SFTPB: variants seen among roughly 807,000 people sequenced by gnomAD.
The protein encoded by SFTPB is pulmonary surfactant-associated protein B.
SFTPB carries 32 observed loss-of-function variants against 51.0 expected under a neutral mutation model. The observed-to-expected ratio is 0.63, with a 90% CI of 0.47 to 0.84. SFTPB has a LOEUF of 0.84. Ranked by LOEUF, SFTPB falls within the 40% of genes least tolerant of loss-of-function variation. The pLI is 0.00. For synonymous variants in SFTPB, 211 were observed against 208.5 expected, an observed-to-expected ratio of 1.01 and a Z score of -0.10; for missense variants, 431 against 491.2, an observed-to-expected ratio of 0.88 and a Z score of 1.16.
At chr2:85,663,938 A>C (rs1677448030) in intron 6 of SFTPB, 91 bp from the exon 7 acceptor site, 2 of 1,198,370 alleles carry the variant, frequency 1.7e-6, no homozygotes, top group Non-Finnish European at 2.3e-6. Flanking sequence ...CTTCCTACGC[A>C]TTCCCTCATT....
chr2:85,667,837 A>C, intron 1 of SFTPB, 31 bp from the exon 2 acceptor site: 7 of 1,614,172 alleles, frequency 4.3e-6, no homozygotes, highest in Non-Finnish European at 5.1e-6. Flanking sequence ...AACCTTAATC[A>C]GGATCCAGGC....
chr2:85,666,189 T>TGTGTGTCC (rs1553380978), intron 4 of SFTPB, among the ~76,000 whole-genome samples: 1 of 145,224 alleles, frequency 6.9e-6, no homozygotes, highest in African/African-American at 2.7e-5. Flanking sequence ...TGTGTGTGTG[T>TGTGTGTCC]GGCCAGCTGG....
At chr2:85,665,042 C>T (rs556811625) in intron 6 of SFTPB, among the ~76,000 whole-genome samples, 1 of 152,286 alleles carries the variant, frequency 6.6e-6, no homozygotes, top group Non-Finnish European at 1.5e-5. Context: ...TGGCTCCTGG[C>T]GTGGCACCTC....
intron 2 of SFTPB, 81 bp from the exon 3 acceptor site, chr2:85,667,258 G>A (rs993315373): frequency 9.8e-7 from 1 of 1,023,342 alleles, no homozygotes; most frequent in Non-Finnish European, 1.6e-6. Flanking sequence ...CTCTTAGGAA[G>A]AGGCCAACAG....
At position 85,667,773 on chromosome 2, in the gene SFTPB, T is replaced by A; in HGVS notation, c.101A>T (p.Gln34Leu). Residue 34 changes from glutamine to leucine, a missense_variant, in exon 2 of 11, where the codon CAG (glutamine) becomes CTG (leucine). Transcript: ENST00000519937. ...GCTTTGGCACCAGAACTCAGGGCCC[T>A]GGGCACAGGCCAAGGATGAGGTGGT... ...AWTTSSLACA[Q>L]GPEFWCQSLE... is the part of the protein sequence containing the mutation. The A allele has an allele frequency of 6.2e-7, 1 of 1,614,254 alleles. No homozygotes were observed. The highest frequency in any genetic ancestry group is 8.5e-7 in the Non-Finnish European group (1 of 1,180,044).
chr2:85,661,901 C>G, intron 9 of SFTPB, 128 bp downstream of exon 9: 1 of 816,384 alleles, frequency 1.2e-6, no homozygotes, highest in Non-Finnish European at 2.0e-6. Flanking sequence ...GCCTCCCAGT[C>G]CCTGGCCCGT....
Position 85,663,722 on chromosome 2 carries a change from C to A in SFTPB, c.798G>T (p.Leu266=), listed in dbSNP as rs771604538. 8 of 1,611,988 alleles carry A rather than the reference C, an allele frequency of 5.0e-6. No homozygotes were observed. The East Asian group carries it at 1.8e-4, about 36-fold the overall frequency. ...ILLDTLLGRM[L]PQLVCRLVLR... is the part of the protein sequence containing the mutation. ...GGACGAGGCGGCAGACCAGCTGGGGCAGCATGCGGCCCAGCAGCGTGTCGA... is the reference window on the plus strand; with the variant it reads ...GGACGAGGCGGCAGACCAGCTGGGGAAGCATGCGGCCCAGCAGCGTGTCGA... The change falls in exon 7 of 11, where the codon CTG becomes CTT. Residue 266 remains leucine, a synonymous_variant. Transcript: ENST00000519937.
chr2:85,662,009 A>C lies in SFTPB; in HGVS notation c.1083+20T>G, dbSNP rs35982709. The C allele has an allele frequency of 2.5e-6, 4 of 1,585,908 alleles. No individual in the cohort carries two copies. The Admixed American group carries it at 5.6e-5, about 22-fold the overall frequency. On this transcript the variant is annotated intron_variant, in intron 9 of 10. Coordinates refer to ENST00000519937, the MANE Select transcript of SFTPB (RefSeq NM_000542.5). ...GGAGCCAAGGGAAGTCCTAGGACCA[A>C]CTGGGAGGGGTGGGTGTACCTGGCA...
At chr2:85,666,517 G>GTT (rs1382428782) in intron 4 of SFTPB, 100 bp downstream of exon 4, 2 of 1,182,196 alleles carry the variant, frequency 1.7e-6, no homozygotes, top group South Asian at 1.3e-5. Context: ...GTGTGTGTGT[G>GTT]TGTGTCTGGC....
intron 3 of SFTPB, 47 bp downstream of exon 3, chr2:85,667,059 C>T (rs1292844416): frequency 7.3e-6 from 11 of 1,505,692 alleles, no homozygotes; most frequent in Non-Finnish European, 1.0e-5. Context: ...TGCTCTGTCC[C>T]TCATCTCTTG....
At chr2:85,666,501 G>GTA in intron 4 of SFTPB, 116 bp downstream of exon 4, 1 of 1,019,026 alleles carries the variant, frequency 9.8e-7, no homozygotes, top group Non-Finnish European at 1.5e-6. Flanking sequence ...TGCTGTGTGT[G>GTA]TGTGTGTGTG....
rs1237673878 is a variant in SFTPB at position 85,665,634 on chromosome 2, A to G, written c.554T>C (p.Leu185Pro). 6.2e-7 allele frequency: 1 copy of G among 1,613,904 alleles called. No homozygotes were observed. The highest frequency in any genetic ancestry group is 1.7e-5 in the Admixed American group (1 of 60,024). Residue 185 changes from leucine to proline, a missense_variant, in exon 5 of 11, where the codon CTC (leucine) becomes CCC (proline). Leu to Pro is a moderately conservative substitution (Grantham distance 98). Coordinates refer to ENST00000519937, the MANE Select transcript of SFTPB (RefSeq NM_000542.5). ...TGTGTGAGGCCCAGGCCTCGCCTGG[A>G]GGGCCCCGGGCAGCACAGGGAGGAC... ...KLVLPVLPGA[L>P]QARPGPHTQD...
At position 85,666,598 on chromosome 2, in the gene SFTPB, G is replaced by A. The variant is rs770389500; in HGVS notation, c.393+19C>T. 16 of 1,612,760 alleles carry A rather than the reference G, an allele frequency of 9.9e-6. No homozygotes were observed. In the South Asian group the frequency reaches 1.5e-4, roughly 16 times the overall value. ...GCCTGCGTGGGGAGGCAGGCAGGAG[G>A]TGAGCTTGCAGCCCTCACAGTCTGG... On this transcript the variant is annotated intron_variant, in intron 4 of 10. Coordinates refer to ENST00000519937, the MANE Select transcript of SFTPB (RefSeq NM_000542.5).
Position 85,668,050 on chromosome 2 carries a change from C to T in SFTPB, c.67+67G>A, listed in dbSNP as rs2104420032. 2.2e-6 allele frequency: 3 copies of T among 1,362,786 alleles called. No homozygotes were observed. The South Asian group carries it at 3.8e-5, about 17-fold the overall frequency. The allele number at this position is 1,362,786 out of a possible 1,614,324, so 84.4% of individuals were successfully genotyped here. A position where few individuals can be genotyped will look rare whatever the true frequency, so the allele number is the denominator to read the frequency against. On this transcript the variant is annotated intron_variant, in intron 1 of 10. Coordinates refer to ENST00000519937, the MANE Select transcript of SFTPB (RefSeq NM_000542.5). ...AATGAGGACAGACTTGGGTTAATGCCTAGCACAAAGCAGTGCTCAGTGAGT... is the reference window on the plus strand; with the variant it reads ...AATGAGGACAGACTTGGGTTAATGCTTAGCACAAAGCAGTGCTCAGTGAGT...
intron 5 of SFTPB, 66 bp from the exon 6 acceptor site, chr2:85,665,444 C>T: frequency 2.1e-6 from 3 of 1,453,398 alleles, no homozygotes; most frequent in South Asian, 1.1e-5. Context: ...GCTCTCCTCC[C>T]CTCTCTCTTC....
At chr2:85,668,047 T>G (rs563484182) in intron 1 of SFTPB, 70 bp downstream of exon 1, 62 of 1,335,944 alleles carry the variant, frequency 4.6e-5, no homozygotes, top group Non-Finnish European at 5.9e-5. Flanking sequence ...CTTGGGTTAA[T>G]GCCTAGCACA....
chr2:85,666,521 G>GTC, intron 4 of SFTPB, 96 bp downstream of exon 4: 1 of 1,164,436 alleles, frequency 8.6e-7, no homozygotes, highest in Non-Finnish European at 1.2e-6. Flanking sequence ...GTGTGTGTGT[G>GTC]TCTGGCTGGC....
chr2:85,667,926 G>A (rs1009822338), intron 1 of SFTPB, 120 bp from the exon 2 acceptor site: 63 of 1,432,892 alleles, frequency 4.4e-5, no homozygotes, highest in Middle Eastern at 1.7e-4. Context: ...ACATGTGGAC[G>A]TCAGACAGCT....
chr2:85,667,153 CCTCACA>C lies in SFTPB; in HGVS notation c.214_219del (p.Cys72_Glu73del), dbSNP rs1260070956. 1 of 1,613,844 alleles carries C rather than the reference CCTCACA, an allele frequency of 6.2e-7. No individual in the cohort carries two copies. Among genetic ancestry groups the C allele is most frequent in the Non-Finnish European group, 8.5e-7 (1 of 1,179,874 alleles). On this transcript the variant is annotated inframe_deletion, in exon 3 of 11. Coordinates refer to ENST00000519937, the MANE Select transcript of SFTPB (RefSeq NM_000542.5). ...ATCTTGTTAAGGATGTGGACGATGT[CCTCACA>C]CTCTTGGCATAGGTCATCCTGGGGA...
Sources: gnomAD v4.1 joint callset for allele counts (sites outside exome capture counted in the v4.1 genomes callset) on GRCh38, gnomAD v4.1.1 for gene constraint, MANE v1.5 for transcripts, NCBI Gene and HGNC (gene_info 2026-07-23, HGNC 2026-07-21) for gene names.